Variants in PXYLP1 observed in about 807,000 individuals in gnomAD.
PXYLP1 encodes acid phosphatase-like 2.
PXYLP1 carries 17 observed loss-of-function variants against 37.9 expected under a neutral mutation model. That is an observed-to-expected ratio of 0.45 (90% CI 0.31 to 0.67). The LOEUF (loss-of-function observed/expected upper bound fraction) is 0.67, where lower values mean the gene tolerates loss of function less well. PXYLP1 is among the 30% of genes least tolerant of loss of function. The pLI is 0.07. For synonymous variants in PXYLP1, 221 were observed against 232.2 expected (o/e 0.95, Z 0.44); for missense variants, 511 against 612.0 (o/e 0.84, Z 1.74).
At chr3:141,256,125 C>T (rs573903226) in intron 1 of PXYLP1, among the ~76,000 whole-genome samples, 56 of 152,226 alleles carry the variant, frequency 3.7e-4, no homozygotes, top group Non-Finnish European at 7.1e-4. Flanking sequence ...AGGAAAAGGG[C>T]GACTCCTTGT....
Position 141,292,427 on chromosome 3 carries a change from T to G in PXYLP1, c.665T>G (p.Leu222Arg). 6.2e-7 allele frequency: 1 copy of G among 1,614,210 alleles called. No homozygotes were observed. Among genetic ancestry groups the G allele is most frequent in the South Asian group, 1.1e-5 (1 of 91,078 alleles). Residue 222 changes from leucine (L) to arginine (R), a missense_variant, in exon 6 of 6, where the codon CTC (leucine) becomes CGC (arginine). Transcript: ENST00000286353. This position sits in a 1 kb window ranked among gnomAD's most constrained non-coding sequence, Gnocchi z 4.3. ...QSGLALLYGFLPDFDWKKIYF... is the reference protein window; with the variant it reads ...QSGLALLYGFRPDFDWKKIYF... ...GGGCTGGCCTTGCTTTATGGCTTTC[T>G]CCCAGATTTTGACTGGAAGAAGATT...
chr3:141,293,045 T>TCA lies in PXYLP1; in HGVS notation c.1286_1287dup (p.Phe430HisfsTer28). On this transcript the variant is annotated frameshift_variant, in exon 6 of 6. Transcript: ENST00000286353. LOFTEE classifies it high-confidence loss of function. ...CGGATTCTTTACAATGGCGTCGATG[T>TCA]CACATTCCACACCTCTTTCTGCCAA... 6.2e-7 allele frequency: 1 copy of TCA among 1,614,166 alleles called. No homozygotes were observed. Among genetic ancestry groups the TCA allele is most frequent in the Admixed American group, 1.7e-5 (1 of 60,016 alleles).
intron 1 of PXYLP1, 148 bp from the exon 2 acceptor site, chr3:141,259,975 T>C: frequency 1.6e-6 from 1 of 609,362 alleles, no homozygotes; most frequent in Non-Finnish European, 2.9e-6. Context: ...TAGAGCATGC[T>C]GTTGTTCTCC....
At chr3:141,291,664 C>G (rs1369093675) in intron 5 of PXYLP1, 1 of 153,298 alleles carries the variant, frequency 6.5e-6, no homozygotes, top group Non-Finnish European at 1.5e-5. Context: ...TGTTCCATAT[C>G]ATACAGAGAA....
At chr3:141,243,121 T>G (rs1020641744) in intron 1 of PXYLP1, among the ~76,000 whole-genome samples, 5 of 152,164 alleles carry the variant, frequency 3.3e-5, no homozygotes, top group African/African-American at 1.2e-4. Context: ...GCCCCTGGAA[T>G]GAGAGCTACT....
chr3:141,293,021 G>A lies in PXYLP1; in HGVS notation c.1259G>A (p.Arg420Gln), dbSNP rs150898568. The change falls in exon 6 of 6, where the codon CGG becomes CAG. Residue 420 changes from arginine (R) to glutamine (Q), a missense_variant. Arg to Gln is a conservative substitution (Grantham distance 43, BLOSUM62 1). Coordinates refer to ENST00000286353, the MANE Select transcript of PXYLP1 (RefSeq NM_001037172.3). ...DREKPSEHSV[R>Q]ILYNGVDVTF... ...GAAAAGCCCAGTGAACATTCCGTCC[G>A]GATTCTTTACAATGGCGTCGATGTC... 1.5e-5 allele frequency: 25 copies of A among 1,614,022 alleles called. No individual in the cohort carries two copies. Among genetic ancestry groups the A allele is most frequent in the Admixed American group, 1.3e-4 (8 of 59,990 alleles).
chr3:141,238,220 A>G (rs1940705670), intron 1 of PXYLP1, among the ~76,000 whole-genome samples: 1 of 152,170 alleles, frequency 6.6e-6, no homozygotes. Context: ...AAACTTCTTG[A>G]CCCAAAGAAA....
rs1942222216 is a variant in PXYLP1 at position 141,292,004 on chromosome 3, A to G, written c.506-264A>G. Among the ~76,000 whole-genome samples, 1 of 152,218 alleles carries G rather than the reference A, an allele frequency of 6.6e-6. No individual in the cohort carries two copies. The highest frequency in any genetic ancestry group is 1.5e-5 in the Non-Finnish European group (1 of 68,036). On this transcript the variant is annotated intron_variant, in intron 5 of 5. Coordinates refer to ENST00000286353, the MANE Select transcript of PXYLP1 (RefSeq NM_001037172.3). The surrounding 1 kb of genome is among the most constrained non-coding windows in gnomAD (Gnocchi z 4.3). The stretch of plus-strand genomic sequence containing the variant: ...TTCCCCAGGGAAGAGGCCAGTCTGG[A>G]GGCCAAGTGCAAGGCAGATGGTCCA...
At chr3:141,287,254 G>A in intron 4 of PXYLP1, 60 bp from the exon 5 acceptor site, 1 of 1,578,868 alleles carries the variant, frequency 6.3e-7, no homozygotes, top group Non-Finnish European at 8.6e-7. Flanking sequence ...GCTGAAGCTG[G>A]AAACTGTTTG....
chr3:141,284,129 C>T (rs1009855159), intron 4 of PXYLP1, among the ~76,000 whole-genome samples: 2 of 152,088 alleles, frequency 1.3e-5, no homozygotes, highest in Non-Finnish European at 2.9e-5. Flanking sequence ...CTCATGAATG[C>T]ATTACCTTAA....
At chr3:141,245,885 C>CTGT (rs924859920) in intron 1 of PXYLP1, among the ~76,000 whole-genome samples, 20 of 152,164 alleles carry the variant, frequency 1.3e-4, no homozygotes, top group Non-Finnish European at 2.5e-4. Flanking sequence ...CACAGCTTTG[C>CTGT]TGTTGTTGTT....
At chr3:141,249,407 A>G (rs1333083173) in intron 1 of PXYLP1, among the ~76,000 whole-genome samples, 1 of 151,682 alleles carries the variant, frequency 6.6e-6, no homozygotes, top group African/African-American at 2.4e-5. Context: ...AGGCCTTGAT[A>G]ACCTGTCCTT....
intron 1 of PXYLP1, among the ~76,000 whole-genome samples, chr3:141,237,808 CACTT>C (rs1940697001): frequency 6.6e-6 from 1 of 152,188 alleles, no homozygotes; most frequent in African/African-American, 2.4e-5. Context: ...GGCACTTGCT[CACTT>C]ACAGCCATGA....
In PXYLP1 at chr3:141,292,968, G is replaced by C. The variant is rs1172001635; in HGVS notation, c.1206G>C (p.Arg402Ser). ...SEARFPRFAA[R>S]LIFELWQDRE... is the part of the protein sequence containing the mutation. ...CCAGGTTCCCAAGGTTTGCAGCCAG[G>C]TTGATCTTTGAGCTTTGGCAAGACA... Residue 402 changes from arginine (R) to serine (S), a missense_variant, in exon 6 of 6, where the codon AGG (arginine) becomes AGC (serine). By Grantham distance (110) the Arg-to-Ser change is moderately radical (BLOSUM62 -1). Transcript: ENST00000286353. This position sits in a 1 kb window ranked among gnomAD's most constrained non-coding sequence, Gnocchi z 4.3. 1 of 1,614,176 alleles carries C rather than the reference G, an allele frequency of 6.2e-7. No individual in the cohort carries two copies. The highest frequency in any genetic ancestry group is 8.5e-7 in the Non-Finnish European group (1 of 1,180,042).
At chr3:141,242,812 A>G (rs111906841) in intron 1 of PXYLP1, among the ~76,000 whole-genome samples, 2,159 of 152,256 alleles carry the variant, frequency 0.014, 19 homozygotes, top group Non-Finnish European at 0.022. Context: ...AATCCCCTCC[A>G]TGCCCCCTGA....
chr3:141,282,364 C>A (rs1941974319), intron 4 of PXYLP1, among the ~76,000 whole-genome samples: 1 of 152,130 alleles, frequency 6.6e-6, no homozygotes, highest in African/African-American at 2.4e-5. Context: ...CTCAATAAAA[C>A]CTACTCAGAA....
At chr3:141,240,720 G>T (rs1940776472) in intron 1 of PXYLP1, among the ~76,000 whole-genome samples, 2 of 152,154 alleles carry the variant, frequency 1.3e-5, no homozygotes, top group Admixed American at 1.3e-4. Context: ...AGGGGCTAGT[G>T]GGGGTGTTTT....
rs1220285087 is a variant in PXYLP1 at position 141,294,674 on chromosome 3, C to T, written c.*1469C>T. Reference sequence around the variant, plus strand: ...TAATGGTTTGTACCTATAAGTCACTCGAGTTATTTTCAAGTGAGAGCCAGT... The same window carrying T: ...TAATGGTTTGTACCTATAAGTCACTTGAGTTATTTTCAAGTGAGAGCCAGT... On this transcript the variant is annotated 3_prime_UTR_variant, in exon 6 of 6. Transcript: ENST00000286353. The T allele has an allele frequency of 2.0e-5, 3 of 152,158 alleles. No individual in the cohort carries two copies. Among genetic ancestry groups the T allele is most frequent in the Non-Finnish European group, 4.4e-5 (3 of 68,030 alleles). 9.4% of individuals were successfully genotyped at this position (152,158 alleles called of 1,614,324 possible).
intron 4 of PXYLP1, among the ~76,000 whole-genome samples, chr3:141,286,450 A>G (rs1220718683): frequency 1.3e-5 from 2 of 152,188 alleles, no homozygotes; most frequent in Non-Finnish European, 2.9e-5. Flanking sequence ...GATTTTTCAG[A>G]GGTCAGAAAA....
Sources: allele counts gnomAD v4.1 joint callset (sites outside exome capture counted in the v4.1 genomes callset), GRCh38; gene constraint gnomAD v4.1.1; non-coding constraint Gnocchi (gnomAD v3.1); transcripts MANE v1.5; gene names NCBI Gene and HGNC (gene_info 2026-07-23, HGNC 2026-07-21).